Variants in VRK2 observed in about 807,000 individuals in gnomAD.
VRK2 encodes the protein VRK serine/threonine kinase 2.
VRK2 carries 60 observed loss-of-function variants against 57.6 expected under a neutral mutation model. That is an observed-to-expected ratio of 1.04 (90% CI 0.85 to 1.29). The LOEUF (loss-of-function observed/expected upper bound fraction) is 1.29. Among genes scored for constraint, VRK2 ranks in the 50% most tolerant of loss-of-function variants. The pLI is 0.00. For missense variants in VRK2, 705 were observed against 588.1 expected, an observed-to-expected ratio of 1.20 and a Z score of -2.06; for synonymous variants, 231 against 199.2, an observed-to-expected ratio of 1.16 and a Z score of -1.35.
chr2:57,997,900 GA>G (rs11337756), intron 1 of VRK2, among the ~76,000 whole-genome samples: 105,321 of 145,952 alleles, frequency 0.72, 38,552 homozygotes, highest in African/African-American at 0.93. Flanking sequence ...CACTCAAAAA[GA>G]AAAAAAAAAG....
intron 1 of VRK2, among the ~76,000 whole-genome samples, chr2:57,983,859 T>C (rs1363149527): frequency 6.6e-6 from 1 of 152,216 alleles, no homozygotes; most frequent in African/African-American, 2.4e-5. Flanking sequence ...TTGTTTGATC[T>C]TTTTTCTTTG....
intron 1 of VRK2, among the ~76,000 whole-genome samples, chr2:57,950,424 A>G (rs1671392265): frequency 6.6e-6 from 1 of 152,240 alleles, no homozygotes; most frequent in African/African-American, 2.4e-5. Context: ...TCTGTGCTCT[A>G]TAAATGGAAC....
intron 10 of VRK2, 75 bp downstream of exon 10, chr2:58,135,274 T>TTTGCTTAACCCAC: frequency 1.3e-6 from 2 of 1,550,218 alleles, no homozygotes; most frequent in Non-Finnish European, 1.8e-6. Context: ...TTTGGTAGCT[T>TTTGCTTAACCCAC]TTGCTTAACC....
chr2:58,017,661 G>A (rs937348785), intron 1 of VRK2, among the ~76,000 whole-genome samples: 2 of 151,960 alleles, frequency 1.3e-5, no homozygotes, highest in Non-Finnish European at 2.9e-5. Context: ...AAAGTGGAAA[G>A]CTCCTATTTT....
At chr2:57,944,225 T>G (rs143035484) in intron 1 of VRK2, among the ~76,000 whole-genome samples, 16 of 152,362 alleles carry the variant, frequency 1.1e-4, no homozygotes, top group African/African-American at 2.9e-4. Flanking sequence ...TGTGGGGTTA[T>G]GAACTCAAGG....
intron 2 of VRK2, among the ~76,000 whole-genome samples, chr2:58,077,978 T>G (rs1285410569): frequency 6.6e-6 from 1 of 152,118 alleles, no homozygotes; most frequent in Non-Finnish European, 1.5e-5. Flanking sequence ...TAGCTTGCCC[T>G]CTTTCAGAAT....
At chr2:58,018,959 T>C (rs1247269356) in intron 1 of VRK2, among the ~76,000 whole-genome samples, 1 of 152,334 alleles carries the variant, frequency 6.6e-6, no homozygotes, top group East Asian at 1.9e-4. Context: ...CTGATAAATT[T>C]CCCTGTACCA....
chr2:58,049,394 G>T (rs1675368876), intron 2 of VRK2, among the ~76,000 whole-genome samples: 1 of 152,102 alleles, frequency 6.6e-6, no homozygotes, highest in African/African-American at 2.4e-5. Context: ...AGAATTCATA[G>T]ATAAAACTTA....
chr2:58,081,247 T>C (rs1670825030), intron 2 of VRK2, among the ~76,000 whole-genome samples: 1 of 151,892 alleles, frequency 6.6e-6, no homozygotes, highest in Admixed American at 6.6e-5. Context: ...TAAAGACAAA[T>C]GGACAGACAG....
intron 2 of VRK2, among the ~76,000 whole-genome samples, chr2:58,050,146 A>G (rs1179027004): frequency 6.6e-6 from 1 of 152,238 alleles, no homozygotes; most frequent in Admixed American, 6.5e-5. Flanking sequence ...TAGGAGCCAC[A>G]TTAAAATACG....
intron 7 of VRK2, among the ~76,000 whole-genome samples, chr2:58,110,934 G>A (rs1198799381): frequency 1.3e-5 from 2 of 152,206 alleles, no homozygotes; most frequent in Non-Finnish European, 2.9e-5. Context: ...CCCAGGAAGA[G>A]TGTGGCCTTG....
chr2:58,086,584 C>T (rs752243135), intron 5 of VRK2, among the ~76,000 whole-genome samples, 158 bp downstream of exon 5: 3 of 152,134 alleles, frequency 2.0e-5, no homozygotes, highest in Non-Finnish European at 4.4e-5. Flanking sequence ...CTGCAAGTGG[C>T]TTATCTGTAT....
intron 2 of VRK2, among the ~76,000 whole-genome samples, chr2:58,049,744 ATT>A (rs775114880): frequency 9.2e-5 from 14 of 152,202 alleles, no homozygotes; most frequent in Admixed American, 6.5e-4. Context: ...GATCACATCT[ATT>A]TCTATAGGAG....
intron 7 of VRK2, among the ~76,000 whole-genome samples, chr2:58,110,706 T>C (rs1386451858): frequency 6.6e-6 from 1 of 152,138 alleles, no homozygotes; most frequent in Non-Finnish European, 1.5e-5. Context: ...GGAAGCAGGA[T>C]TGAACAGGGA....
At chr2:58,050,529 C>T (rs897807403) in intron 2 of VRK2, among the ~76,000 whole-genome samples, 1 of 152,170 alleles carries the variant, frequency 6.6e-6, no homozygotes, top group Non-Finnish European at 1.5e-5. Flanking sequence ...GCCTTGAATT[C>T]CATAGCTTAT....
chr2:58,053,322 T>G (rs1310265873), intron 2 of VRK2, among the ~76,000 whole-genome samples: 1 of 152,240 alleles, frequency 6.6e-6, no homozygotes, highest in Non-Finnish European at 1.5e-5. Context: ...TAACTAAAGT[T>G]AACTGTGGTG....
At chr2:57,964,909 C>T (rs935097020) in intron 1 of VRK2, among the ~76,000 whole-genome samples, 2 of 110,206 alleles carry the variant, frequency 1.8e-5, no homozygotes, top group South Asian at 6.3e-4. Flanking sequence ...AAAAAAAAAA[C>T]TGTCACTATA....
chr2:57,945,342 T>C (rs945000925), intron 1 of VRK2, among the ~76,000 whole-genome samples: 9 of 152,136 alleles, frequency 5.9e-5, no homozygotes, highest in African/African-American at 1.9e-4. Context: ...GTTACCCCTT[T>C]TCAAATCTCT....
At chr2:57,921,294 ACACACACACACACACACT>A (rs1670338296) in intron 1 of VRK2, among the ~76,000 whole-genome samples, 1 of 151,404 alleles carries the variant, frequency 6.6e-6, no homozygotes, top group East Asian at 1.9e-4. Flanking sequence ...GCGCACACAC[ACACACACACACACACACT>A]CACACACACA....
Sources: allele counts gnomAD v4.1 joint callset (sites outside exome capture counted in the v4.1 genomes callset), GRCh38; gene constraint gnomAD v4.1.1; transcripts MANE v1.5; gene names NCBI Gene and HGNC (gene_info 2026-07-23, HGNC 2026-07-21).